The following SSBP3 variants were observed in gnomAD, a reference collection of about 807,000 sequenced individuals.
The protein encoded by SSBP3 is single stranded DNA binding protein 3, also known as single-stranded DNA-binding protein 3.
Under a neutral mutation model 69.6 loss-of-function variants are expected in SSBP3, and 5 were observed. That is an observed-to-expected ratio of 0.07 (90% CI 0.04 to 0.15). The LOEUF (loss-of-function observed/expected upper bound fraction) is 0.15, where lower values mean the gene tolerates loss of function less well. SSBP3 is among the 10% of genes least tolerant of loss of function. The pLI, the probability that SSBP3 is intolerant of heterozygous loss-of-function variation, is 1.00. For missense variants in SSBP3, 312 were observed against 534.0 expected, an observed-to-expected ratio of 0.58 and a Z score of 4.10; for synonymous variants, 196 against 193.4, an observed-to-expected ratio of 1.01 and a Z score of -0.11.
chr1:54,391,794 C>G (rs1648516233), intron 4 of SSBP3, among the ~76,000 whole-genome samples: 1 of 152,218 alleles, frequency 6.6e-6, no homozygotes, highest in Non-Finnish European at 1.5e-5. Flanking sequence ...CTCGGTCAGA[C>G]AGGATGCCTT....
rs1419247509 is a variant in SSBP3, at chr1:54,258,972, C to T, written c.367-823G>A. Among the ~76,000 whole-genome samples the T allele has an allele frequency of 6.6e-6, 1 of 152,160 alleles. No homozygotes were observed. The highest frequency in any genetic ancestry group is 1.5e-5 in the Non-Finnish European group (1 of 68,032). ...AGTGGCAGAGCTGGGATGAGAAGCC[C>T]CATGGGTCCAAGGCCCATCTCCAGC... On this transcript the variant is annotated intron_variant, in intron 5 of 17. Transcript: ENST00000610401. This position sits in a 1 kb window ranked among gnomAD's most constrained non-coding sequence, Gnocchi z 4.5.
At chr1:54,274,290 C>T (rs1463614258) in intron 5 of SSBP3, among the ~76,000 whole-genome samples, 1 of 152,210 alleles carries the variant, frequency 6.6e-6, no homozygotes, top group Non-Finnish European at 1.5e-5. Context: ...CTCATCTATA[C>T]AGTGGGAATG....
At chr1:54,255,342 A>AAGT (rs1644902681) in intron 7 of SSBP3, among the ~76,000 whole-genome samples, 1 of 152,178 alleles carries the variant, frequency 6.6e-6, no homozygotes, top group Non-Finnish European at 1.5e-5. Context: ...TATGATAAGG[A>AAGT]AGTAGCTCCT....
intron 4 of SSBP3, among the ~76,000 whole-genome samples, chr1:54,389,622 G>C (rs1396130059): frequency 1.3e-5 from 2 of 152,132 alleles, no homozygotes; most frequent in African/African-American, 4.8e-5. Context: ...ACTTTGGGAG[G>C]CCGAGGCAGG....
intron 4 of SSBP3, among the ~76,000 whole-genome samples, chr1:54,295,047 C>T (rs1270190580): frequency 1.3e-5 from 2 of 152,168 alleles, no homozygotes; most frequent in Non-Finnish European, 2.9e-5. Flanking sequence ...AGACAAACCA[C>T]AGAGCAAGCC....
chr1:54,298,568 A>T (rs17392743), intron 4 of SSBP3, among the ~76,000 whole-genome samples: 3,191 of 152,286 alleles, frequency 0.021, 64 homozygotes, highest in Non-Finnish European at 0.034. Context: ...GGGACTCACA[A>T]TTACCTCTCC....
At chr1:54,390,207 T>C (rs955772901) in intron 4 of SSBP3, among the ~76,000 whole-genome samples, 2 of 152,196 alleles carry the variant, frequency 1.3e-5, no homozygotes, top group East Asian at 1.9e-4. Flanking sequence ...AAGTGCTCAA[T>C]AAGCACTGGT....
At chr1:54,306,311 T>A (rs1371306634) in intron 4 of SSBP3, among the ~76,000 whole-genome samples, 1 of 152,216 alleles carries the variant, frequency 6.6e-6, no homozygotes. Context: ...CAGGCTGGTG[T>A]CAGCCGTGTG....
chr1:54,278,292 T>C (rs1477878196), intron 5 of SSBP3, among the ~76,000 whole-genome samples: 2 of 151,922 alleles, frequency 1.3e-5, no homozygotes, highest in Non-Finnish European at 2.9e-5. Flanking sequence ...AGGTCCTTAG[T>C]ATATGCCAGG....
At chr1:54,348,957 C>T (rs955676037) in intron 4 of SSBP3, among the ~76,000 whole-genome samples, 3 of 152,216 alleles carry the variant, frequency 2.0e-5, no homozygotes, top group Non-Finnish European at 4.4e-5. Context: ...GAGCCAGAAC[C>T]AGGCTAAAAA....
intron 4 of SSBP3, among the ~76,000 whole-genome samples, chr1:54,299,922 T>C (rs1645771499): frequency 6.6e-6 from 1 of 152,156 alleles, no homozygotes; most frequent in African/African-American, 2.4e-5. Flanking sequence ...TCCACCGACA[T>C]AATTCCTCCT....
chr1:54,359,532 G>C (rs1386179000), intron 4 of SSBP3, among the ~76,000 whole-genome samples: 1 of 152,184 alleles, frequency 6.6e-6, no homozygotes, highest in Non-Finnish European at 1.5e-5. Context: ...GAAAGGTTTT[G>C]CATGCCCTCA....
At chr1:54,284,055 G>A (rs1484642705) in intron 4 of SSBP3, among the ~76,000 whole-genome samples, 2 of 150,300 alleles carry the variant, frequency 1.3e-5, no homozygotes, top group East Asian at 1.9e-4. Flanking sequence ...TCAGAGACTG[G>A]TGTTACATTT....
rs555374429 is a variant in SSBP3 at position 54,294,262 on chromosome 1, A to G, written c.277-12735T>C. Among the ~76,000 whole-genome samples, 3 of 151,930 alleles carry G rather than the reference A, an allele frequency of 2.0e-5. No individual in the cohort carries two copies. In the South Asian group the frequency reaches 6.3e-4, roughly 32 times the overall value. On this transcript the variant is annotated intron_variant, in intron 4 of 17. Transcript: ENST00000610401. Reference sequence around the variant, plus strand: ...AAAAGGTCAAACTCTAAGACTAGCTATCTCCATCACCTTCCATTAACTTAC... The same window carrying G: ...AAAAGGTCAAACTCTAAGACTAGCTGTCTCCATCACCTTCCATTAACTTAC...
intron 5 of SSBP3, among the ~76,000 whole-genome samples, chr1:54,266,456 G>A (rs1025424527): frequency 1.3e-5 from 2 of 152,154 alleles, no homozygotes; most frequent in Non-Finnish European, 2.9e-5. Context: ...TTCTGTCCAC[G>A]GCTGCTTACA....
chr1:54,289,047 A>AAAAAAAAAAAAAAAAAAAAC (rs1557499552), intron 4 of SSBP3, among the ~76,000 whole-genome samples: 1 of 116,728 alleles, frequency 8.6e-6, no homozygotes, highest in Non-Finnish European at 1.8e-5. Context: ...CAAAAAAACA[A>AAAAAAAAAAAAAAAAAAAAC]AAAAAAAAAA....
Position 54,240,097 on chromosome 1 carries a change from CGCGT to C in SSBP3, c.856+804_856+807del, listed in dbSNP as rs1570227519. Among the ~76,000 whole-genome samples the C allele has an allele frequency of 1.8e-3, 23 of 12,640 alleles. 1 individual carries two copies. Among genetic ancestry groups the C allele is most frequent in the South Asian group, 0.012 (4 of 332 alleles). 8.3% of individuals were successfully genotyped at this position (12,640 alleles called of 152,430 possible). A position where few individuals can be genotyped will look rare whatever the true frequency, so the allele number is the denominator to read the frequency against. ...GTGTGTGTGTGTGTGTGCGCGCGCGCGCGTGTGCGTGCGCGCGCGCGCGCAACAC... is the reference window on the plus strand; with the variant it reads ...GTGTGTGTGTGTGTGTGCGCGCGCGCGTGCGTGCGCGCGCGCGCGCAACAC... On this transcript the variant is annotated intron_variant, in intron 13 of 17. Coordinates refer to ENST00000610401, the Ensembl canonical transcript of SSBP3.
exon 13 of SSBP3, chr1:54,240,929 T>A: frequency 6.2e-7 from 1 of 1,611,990 alleles, no homozygotes; most frequent in Non-Finnish European, 8.5e-7. Flanking sequence ...ATAATGGGTG[T>A]TCCTGGAGGA....
chr1:54,405,117 G>A (rs1388138937), intron 1 of SSBP3, among the ~76,000 whole-genome samples, 187 bp from the exon 2 acceptor site: 1 of 152,168 alleles, frequency 6.6e-6, no homozygotes, highest in Admixed American at 6.5e-5. Context: ...GTGGGGACCA[G>A]GGAACGCGTT....
Sources: gnomAD v4.1 joint callset for allele counts (sites outside exome capture counted in the v4.1 genomes callset) on GRCh38, gnomAD v4.1.1 for gene constraint, Gnocchi (gnomAD v3.1) non-coding constraint, MANE v1.5 for transcripts, NCBI Gene and HGNC (gene_info 2026-07-23, HGNC 2026-07-21) for gene names.